MAN2A2: variants seen among roughly 807,000 people sequenced by gnomAD.
MAN2A2 encodes the protein mannosidase alpha class 2A member 2.
MAN2A2 carries 79 observed loss-of-function variants against 126.8 expected under a neutral mutation model. The observed-to-expected ratio is 0.62, with a 90% CI of 0.52 to 0.75. The LOEUF is 0.75. Among genes scored for constraint, MAN2A2 ranks in the 30% least tolerant of loss-of-function variants. MAN2A2 has a pLI of 0.00. For missense variants in MAN2A2, 1,392 were observed against 1,522.4 expected (o/e 0.91, Z 1.43); for synonymous variants, 671 against 618.7 (o/e 1.08, Z -1.25).
Position 90,910,165 on chromosome 15 carries a change from C to G in MAN2A2, c.1450C>G (p.Pro484Ala). 6.2e-7 allele frequency: 1 copy of G among 1,614,130 alleles called. No individual in the cohort carries two copies. Among genetic ancestry groups the G allele is most frequent in the Non-Finnish European group, 8.5e-7 (1 of 1,180,026 alleles). ...AGGGGTGGAGCCAGGGGCCCGGCCT[C>G]CAGGGTTTCCTGTGCTGAGCGGGGA... Reference protein sequence around the residue: ...RTGVEPGARPPGFPVLSGDFF... With the variant: ...RTGVEPGARPAGFPVLSGDFF... Residue 484 changes from proline (P) to alanine (A), a missense_variant, in exon 10 of 23, where the codon CCA becomes GCA. By Grantham distance (27) the Pro-to-Ala change is conservative (BLOSUM62 -1). Coordinates refer to ENST00000559717, the MANE Select transcript of MAN2A2 (RefSeq NM_006122.4).
At position 90,918,253 on chromosome 15, in the gene MAN2A2, C is replaced by T. The variant is rs774361368; in HGVS notation, c.3054C>T (p.Tyr1018=). Residue 1018 remains tyrosine, a synonymous_variant, in exon 21 of 23, where the codon TAC becomes TAT. Coordinates refer to ENST00000559717, the MANE Select transcript of MAN2A2 (RefSeq NM_006122.4). The part of the protein sequence containing the change: ...PSLLSHLTSM[Y]LNAPALALPV... ...TCCTCAGCCACCTGACCTCCATGTA[C>T]CTGAACGCCCCGGCGCTCGCTCTGC... The T allele has an allele frequency of 6.2e-7, 1 of 1,614,030 alleles. No individual in the cohort carries two copies. Among genetic ancestry groups the T allele is most frequent in the South Asian group, 1.1e-5 (1 of 91,070 alleles).
intron 18 of MAN2A2, 42 bp from the exon 19 acceptor site, chr15:90,913,572 T>G (rs2034939834): frequency 1.9e-6 from 3 of 1,588,034 alleles, no homozygotes; most frequent in Middle Eastern, 1.7e-4. Context: ...TGGGCCCACA[T>G]GGTGCCCGGG....
intron 8 of MAN2A2, 83 bp downstream of exon 8, chr15:90,907,578 T>C: frequency 7.2e-7 from 1 of 1,384,440 alleles, no homozygotes; most frequent in Non-Finnish European, 9.8e-7. Context: ...GAGGGTGGGC[T>C]CAGGTGGTGA....
chr15:90,913,126 A>G (rs1185052484), intron 17 of MAN2A2, 135 bp downstream of exon 17: 5 of 1,220,980 alleles, frequency 4.1e-6, no homozygotes, highest in Non-Finnish European at 4.7e-6. Flanking sequence ...ATTCTCTTGG[A>G]GAAAAAGTCA....
rs746165575 is a variant in MAN2A2 at position 90,913,348 on chromosome 15, A to G, written c.2660A>G (p.His887Arg). 3 of 1,609,728 alleles carry G rather than the reference A, an allele frequency of 1.9e-6. No homozygotes were observed. The East Asian group carries it at 6.7e-5, about 36-fold the overall frequency. ...RDYVNKELAL[H>R]IHTDIDSQGI... Reference sequence around the variant, plus strand: ...TACGTCAACAAGGAGCTGGCCCTGCACATCCATACAGACATCGACAGCCAG... The same window carrying G: ...TACGTCAACAAGGAGCTGGCCCTGCGCATCCATACAGACATCGACAGCCAG... The change falls in exon 18 of 23, where the codon CAC (histidine) becomes CGC (arginine). Residue 887 changes from histidine to arginine, a missense_variant. By Grantham distance (29) the His-to-Arg change is conservative. Transcript: ENST00000559717.
rs563608917 is a variant in MAN2A2 at position 90,913,606 on chromosome 15, C to T, written c.2719-8C>T. On this transcript the variant is annotated splice_polypyrimidine_tract_variant and splice_region_variant and intron_variant, in intron 18 of 22. Transcript: ENST00000559717. ...GGTGCCCTTGATCTGCTGGCCTTGC[C>T]CCCACAGGTGCAGCCCCGACGGTAT... 3 of 1,607,116 alleles carry T rather than the reference C, an allele frequency of 1.9e-6. No homozygotes were observed. The Admixed American group carries it at 5.1e-5, about 27-fold the overall frequency.
Position 90,922,212 on chromosome 15 carries a change from G to C in MAN2A2, c.*2425G>C, listed in dbSNP as rs977405474. ...AAAATCAACGAGTACAATTACTTTA[G>C]GAGAAAAGCTTGCTTCAGGGTCCTT... is the stretch of plus-strand genomic sequence containing the variant. On this transcript the variant is annotated 3_prime_UTR_variant, in exon 23 of 23. Coordinates refer to ENST00000559717, the MANE Select transcript of MAN2A2 (RefSeq NM_006122.4). 2 of 152,136 alleles carry C rather than the reference G, an allele frequency of 1.3e-5. No individual in the cohort carries two copies. Among genetic ancestry groups the C allele is most frequent in the Admixed American group, 1.3e-4 (2 of 15,272 alleles). 9.4% of individuals were successfully genotyped at this position (152,136 alleles called of 1,614,324 possible). A position where few individuals can be genotyped will look rare whatever the true frequency, so the allele number is the denominator to read the frequency against.
At chr15:90,915,871 G>T in intron 19 of MAN2A2, 1 of 471,460 alleles carries the variant, frequency 2.1e-6, no homozygotes, top group Non-Finnish European at 3.8e-6. Context: ...AGAGCGTGGG[G>T]GGTAAACTGC....
At chr15:90,907,653 C>G in intron 8 of MAN2A2, 158 bp downstream of exon 8, 1 of 652,968 alleles carries the variant, frequency 1.5e-6, no homozygotes, top group Non-Finnish European at 2.6e-6. Flanking sequence ...TGGAATGGCT[C>G]TTGCAACCAC....
intron 20 of MAN2A2, 150 bp from the exon 21 acceptor site, chr15:90,918,044 C>A (rs1441546847): frequency 1.3e-5 from 9 of 694,158 alleles, no homozygotes; most frequent in Non-Finnish European, 2.0e-5. Flanking sequence ...GTTAGCGGAA[C>A]CTCGCCTGGA....
At chr15:90,906,291 C>A (rs1666490705) in intron 5 of MAN2A2, 79 bp from the exon 6 acceptor site, 2 of 1,574,378 alleles carry the variant, frequency 1.3e-6, no homozygotes, top group Non-Finnish European at 1.7e-6. Flanking sequence ...GGCCAGTGCA[C>A]ACAGGCCCTG....
chr15:90,904,625 T>TGTCG (rs1366609294), intron 2 of MAN2A2, among the ~76,000 whole-genome samples: 1 of 151,848 alleles, frequency 6.6e-6, no homozygotes, highest in Non-Finnish European at 1.5e-5. Context: ...AGTCTCGCTC[T>TGTCG]GTCGCCCAGC....
Position 90,907,471 on chromosome 15 carries a change from T to C in MAN2A2, c.1172T>C (p.Ile391Thr). 1.2e-6 allele frequency: 2 copies of C among 1,612,994 alleles called. No homozygotes were observed. The highest frequency in any genetic ancestry group is 1.7e-6 in the Non-Finnish European group (2 of 1,179,964). Residue 391 changes from isoleucine to threonine, a missense_variant, in exon 8 of 23, where the codon ATC becomes ACC. Coordinates refer to ENST00000559717, the MANE Select transcript of MAN2A2 (RefSeq NM_006122.4). Reference protein sequence around the residue: ...NCPWKVPPRAITEANVAERAA... With the variant: ...NCPWKVPPRATTEANVAERAA... Reference sequence around the variant, plus strand: ...CCTTGGAAGGTGCCACCCCGGGCCATCACAGAGGCCAACGTGGCAGAGAGG... The same window carrying C: ...CCTTGGAAGGTGCCACCCCGGGCCACCACAGAGGCCAACGTGGCAGAGAGG...
intron 10 of MAN2A2, 93 bp from the exon 11 acceptor site, chr15:90,910,408 G>A (rs2034632047): frequency 1.9e-6 from 3 of 1,571,230 alleles, no homozygotes; most frequent in Non-Finnish European, 2.6e-6. Flanking sequence ...GGCAGGTAGA[G>A]GAGGGGTGGG....
chr15:90,916,325 C>T (rs1040616070), intron 20 of MAN2A2, 69 bp downstream of exon 20: 2 of 1,567,014 alleles, frequency 1.3e-6, no homozygotes, highest in African/African-American at 1.4e-5. Context: ...GGGGGTCCAG[C>T]CTAGGGCTCG....
intron 8 of MAN2A2, among the ~76,000 whole-genome samples, chr15:90,908,196 G>C (rs1312666710): frequency 1.3e-5 from 2 of 152,234 alleles, no homozygotes; most frequent in Non-Finnish European, 2.9e-5. Context: ...TAAAGCAGCA[G>C]TTGTGATCAG....
chr15:90,911,031 G>T, intron 12 of MAN2A2, 70 bp downstream of exon 12: 1 of 1,496,736 alleles, frequency 6.7e-7, no homozygotes, highest in Non-Finnish European at 9.3e-7. Context: ...GCTGCTGGAT[G>T]GGGGTGCCGC....
intron 8 of MAN2A2, among the ~76,000 whole-genome samples, chr15:90,907,898 A>G (rs1319970232): frequency 6.6e-6 from 1 of 152,184 alleles, no homozygotes; most frequent in East Asian, 1.9e-4. Flanking sequence ...CTCTGAGAAA[A>G]CAGACCTGTC....
intron 2 of MAN2A2, 30 bp downstream of exon 2, chr15:90,904,369 G>C (rs2034079821): frequency 6.2e-7 from 1 of 1,606,584 alleles, no homozygotes; most frequent in African/African-American, 1.3e-5. Context: ...TAATTTCTTT[G>C]TATACAAGTC....
Sources: allele counts gnomAD v4.1 joint callset (sites outside exome capture counted in the v4.1 genomes callset), GRCh38; gene constraint gnomAD v4.1.1; transcripts MANE v1.5; gene names NCBI Gene and HGNC (gene_info 2026-07-23, HGNC 2026-07-21).